LEF1: variants seen among roughly 807,000 people sequenced by gnomAD.
LEF1 encodes lymphoid enhancer binding factor 1, also known as lymphoid enhancer-binding factor 1.
In LEF1, 14 loss-of-function variants were observed where a neutral mutation model predicts 51.2. The observed-to-expected ratio is 0.27, with a 90% CI of 0.18 to 0.43. The LOEUF (loss-of-function observed/expected upper bound fraction) is 0.43. Ranked by LOEUF, LEF1 falls within the 20% of genes least tolerant of loss-of-function variation. The pLI, the probability that LEF1 is intolerant of heterozygous loss-of-function variation, is 1.00. For synonymous variants in LEF1, 185 were observed against 183.2 expected (o/e 1.01, Z -0.08); for missense variants, 386 against 512.0 (o/e 0.75, Z 2.37).
At chr4:108,099,603 TATATATATATATATAA>T (rs1450455245) in intron 3 of LEF1, among the ~76,000 whole-genome samples, 10 of 116,478 alleles carry the variant, frequency 8.6e-5, no homozygotes, top group Admixed American at 2.5e-4. Flanking sequence ...TATATATATA[TATATATATATATATAA>T]ATAATACTTG....
chr4:108,081,674 G>C lies in LEF1; in HGVS notation c.639-5C>G, dbSNP rs1355336210. The C allele has an allele frequency of 8.7e-6, 14 of 1,612,610 alleles. No individual in the cohort carries two copies. Among genetic ancestry groups the C allele is most frequent in the African/African-American group, 1.3e-5 (1 of 74,866 alleles). On this transcript the variant is annotated splice_region_variant and splice_polypyrimidine_tract_variant and intron_variant, in intron 5 of 11. Coordinates refer to ENST00000265165, the MANE Select transcript of LEF1 (RefSeq NM_016269.5). ...GGATATACAGGCTGACCTTGCCTGA[G>C]GTCACAGAAGAAAGGAACCCATCAA...
chr4:108,058,102 C>A (rs1319616467), intron 11 of LEF1, among the ~76,000 whole-genome samples: 1 of 152,082 alleles, frequency 6.6e-6, no homozygotes, highest in East Asian at 1.9e-4. Flanking sequence ...TCTCGAACTC[C>A]TGACCTCATG....
At chr4:108,061,138 G>A (rs1737657997) in intron 11 of LEF1, among the ~76,000 whole-genome samples, 1 of 152,170 alleles carries the variant, frequency 6.6e-6, no homozygotes, top group Non-Finnish European at 1.5e-5. Context: ...GAGAGGGAGG[G>A]CAACACCAGA....
intron 11 of LEF1, among the ~76,000 whole-genome samples, chr4:108,062,137 AG>A (rs537995188): frequency 6.5e-4 from 99 of 152,346 alleles, no homozygotes; most frequent in African/African-American, 2.2e-3. Flanking sequence ...AAGATTAAAA[AG>A]CTGAAGTAGA....
chr4:108,063,661 T>C lies in LEF1; in HGVS notation c.1168A>G (p.Thr390Ala). The change falls in exon 11 of 12, where the codon ACA (threonine) becomes GCA (alanine). Residue 390 changes from threonine to alanine, a missense_variant and splice_region_variant. This residue lies in a region of LEF1 where 51 missense variants were observed against 121.3 expected (regional missense o/e 0.42). Transcript: ENST00000265165. ...TAGGCAGCTGTCATTCTTGGACCTG[T>C]ACCTGCAGAAAATTGTGTCTTTAAC... ...REKLQESASG[T>A]GPRMTAAYI The C allele has an allele frequency of 6.3e-7, 1 of 1,595,120 alleles. No individual in the cohort carries two copies. Among genetic ancestry groups the C allele is most frequent in the Non-Finnish European group, 8.5e-7 (1 of 1,174,830 alleles).
chr4:108,152,353 C>T (rs1182748228), intron 3 of LEF1, among the ~76,000 whole-genome samples: 2 of 152,170 alleles, frequency 1.3e-5, no homozygotes, highest in South Asian at 2.1e-4. Flanking sequence ...GGAGGTAAGA[C>T]TTGAAAGGGA....
chr4:108,145,395 T>C (rs1278781677), intron 3 of LEF1, among the ~76,000 whole-genome samples: 4 of 152,214 alleles, frequency 2.6e-5, no homozygotes, highest in African/African-American at 7.2e-5. Context: ...CGAGAAATTA[T>C]CAATTTTATT....
At chr4:108,079,940 A>C (rs1466602400) in intron 6 of LEF1, among the ~76,000 whole-genome samples, 3 of 152,232 alleles carry the variant, frequency 2.0e-5, no homozygotes, top group Non-Finnish European at 4.4e-5. Context: ...ATCATGTTTT[A>C]AAATCTCTGC....
intron 11 of LEF1, among the ~76,000 whole-genome samples, chr4:108,058,594 C>T (rs552761424): frequency 2.0e-5 from 3 of 152,300 alleles, no homozygotes; most frequent in South Asian, 2.1e-4. Context: ...CCTGACAGCT[C>T]GAGTGCTATC....
At chr4:108,166,201 G>T in intron 1 of LEF1, 2 of 1,483,356 alleles carry the variant, frequency 1.3e-6, no homozygotes, top group Non-Finnish European at 1.8e-6. Context: ...GCTCAAACTG[G>T]ATTCAACGGG....
chr4:108,142,616 A>G (rs1012560830), intron 3 of LEF1, among the ~76,000 whole-genome samples: 8 of 152,230 alleles, frequency 5.3e-5, no homozygotes, highest in Non-Finnish European at 2.9e-5. Context: ...CAACATAAAA[A>G]GCAAGCAGGG....
chr4:108,070,607 C>T (rs1194172179), intron 9 of LEF1, 56 bp downstream of exon 9: 11 of 1,170,542 alleles, frequency 9.4e-6, no homozygotes, highest in South Asian at 2.5e-5. Flanking sequence ...CCTTCTTGAA[C>T]GCAAAAGAGC....
In LEF1 at chr4:108,166,984, C is replaced by T. The variant is rs569797384; in HGVS notation, c.213+571G>A. ...CAGCCCGGGTGCGCGCCCCATCGGC[C>T]GGCCTGCTCCCCGCGGCCCGGCTCA... On this transcript the variant is annotated intron_variant, in intron 1 of 11. Transcript: ENST00000265165. 9.2e-5 allele frequency among the ~76,000 whole-genome samples: 14 copies of T among 152,172 alleles called. No homozygotes were observed. In the East Asian group the frequency reaches 2.7e-3, roughly 30 times the overall value.
chr4:108,115,949 C>T (rs1323646602), intron 3 of LEF1, among the ~76,000 whole-genome samples: 1 of 151,798 alleles, frequency 6.6e-6, no homozygotes, highest in East Asian at 1.9e-4. Flanking sequence ...TGCTTTCTTC[C>T]CTCTACTGAG....
At chr4:108,131,711 T>C (rs1293473349) in intron 3 of LEF1, among the ~76,000 whole-genome samples, 3 of 152,208 alleles carry the variant, frequency 2.0e-5, no homozygotes, top group Admixed American at 6.5e-5. Context: ...ACATAACTTT[T>C]TTTTAGTTTC....
intron 4 of LEF1, among the ~76,000 whole-genome samples, chr4:108,086,766 A>AT (rs1463539257): frequency 1.3e-5 from 2 of 151,714 alleles, no homozygotes; most frequent in African/African-American, 4.8e-5. Context: ...TCCTTTTGAT[A>AT]TTTTTACCAG....
chr4:108,145,444 T>C (rs1000441944), intron 3 of LEF1, among the ~76,000 whole-genome samples: 14 of 152,242 alleles, frequency 9.2e-5, no homozygotes, highest in Non-Finnish European at 1.5e-4. Context: ...AGTTCAGGTA[T>C]ATAATTCATA....
At chr4:108,111,714 C>A (rs1428635652) in intron 3 of LEF1, among the ~76,000 whole-genome samples, 1 of 152,110 alleles carries the variant, frequency 6.6e-6, no homozygotes, top group Non-Finnish European at 1.5e-5. Flanking sequence ...GAGTTCGAAA[C>A]CAGCCTGGGC....
chr4:108,099,599 T>C (rs182598632), intron 3 of LEF1, among the ~76,000 whole-genome samples: 1 of 121,990 alleles, frequency 8.2e-6, no homozygotes, highest in African/African-American at 2.8e-5. Flanking sequence ...TATATATATA[T>C]ATATATATAT....
Sources: gnomAD v4.1 joint callset for allele counts (sites outside exome capture counted in the v4.1 genomes callset) on GRCh38, gnomAD v4.1.1 for gene constraint, gnomAD v4.1.1 regional missense constraint, MANE v1.5 for transcripts, NCBI Gene and HGNC (gene_info 2026-07-23, HGNC 2026-07-21) for gene names.